NME7: variants seen among roughly 807,000 people sequenced by gnomAD.
The protein encoded by NME7 is nucleoside diphosphate kinase 7.
NME7 carries 41 observed loss-of-function variants against 49.1 expected under a neutral mutation model. The ratio of observed to expected loss-of-function variants is 0.83; its 90% CI spans 0.65 to 1.08. The LOEUF is 1.08. NME7 is among the 50% of genes least tolerant of loss of function. The pLI is 0.00. For missense variants in NME7, 423 were observed against 463.4 expected, an observed-to-expected ratio of 0.91 and a Z score of 0.80; for synonymous variants, 139 against 150.6, an observed-to-expected ratio of 0.92 and a Z score of 0.56.
chr1:169,318,927 G>T (rs1651754519), intron 3 of NME7, among the ~76,000 whole-genome samples: 1 of 152,022 alleles, frequency 6.6e-6, no homozygotes, highest in South Asian at 2.1e-4. Flanking sequence ...ACCAGGGGAA[G>T]ACAGAATAAT....
intron 1 of NME7, among the ~76,000 whole-genome samples, chr1:169,332,839 TGGA>T (rs1264561287): frequency 6.6e-6 from 1 of 152,204 alleles, no homozygotes; most frequent in Non-Finnish European, 1.5e-5. Flanking sequence ...GGTGAGGATG[TGGA>T]GAACAGGGGA....
intron 4 of NME7, among the ~76,000 whole-genome samples, chr1:169,306,678 T>A (rs549509922): frequency 1.3e-5 from 2 of 152,076 alleles, no homozygotes; most frequent in East Asian, 1.9e-4. Context: ...TGGTAGGTGA[T>A]CATATGGACA....
chr1:169,234,984 C>T (rs1412066675), intron 9 of NME7, 147 bp downstream of exon 9: 11 of 404,720 alleles, frequency 2.7e-5, no homozygotes, highest in Non-Finnish European at 4.4e-5. Context: ...CAACCTAGGT[C>T]GTTGACACAG....
chr1:169,238,613 C>T (rs963540512), intron 7 of NME7, among the ~76,000 whole-genome samples: 1 of 151,714 alleles, frequency 6.6e-6, no homozygotes. Context: ...TTACCATAGC[C>T]AAGTAGTGCT....
chr1:169,326,564 CA>C (rs1186668631), intron 1 of NME7, among the ~76,000 whole-genome samples: 3 of 152,130 alleles, frequency 2.0e-5, no homozygotes, highest in African/African-American at 7.2e-5. Context: ...GAAACAGGTA[CA>C]AAAGTGAGCT....
chr1:169,354,396 G>A (rs747004145), intron 1 of NME7, among the ~76,000 whole-genome samples: 1 of 151,896 alleles, frequency 6.6e-6, no homozygotes, highest in South Asian at 2.1e-4. Flanking sequence ...GGGGGTTGTG[G>A]AGTTGAGGAT....
At position 169,235,181 on chromosome 1, in the gene NME7, T is replaced by A. The variant is rs1287934596; in HGVS notation, c.838A>T (p.Asn280Tyr). Residue 280 changes from asparagine to tyrosine, a missense_variant, in exon 9 of 12, where the codon AAT (asparagine) becomes TAT (tyrosine). Physicochemically the swap from Asn to Tyr is moderately radical, Grantham distance 143. Coordinates refer to ENST00000367811, the MANE Select transcript of NME7 (RefSeq NM_013330.5). The stretch of plus-strand genomic sequence containing the variant: ...TAAACTTCATAGAATTCCTCAACAT[T>A]AACCCGATCCATATTGAACTATATT... ...AMQMFNMDRV[N>Y]VEEFYEVYKG... 7.8e-6 allele frequency: 12 copies of A among 1,547,936 alleles called. No homozygotes were observed. The highest frequency in any genetic ancestry group is 5.8e-5 in the South Asian group (5 of 86,464).
intron 10 of NME7, among the ~76,000 whole-genome samples, chr1:169,205,962 T>TC (rs1158381119): frequency 2.0e-5 from 3 of 152,246 alleles, no homozygotes; most frequent in Non-Finnish European, 4.4e-5. Flanking sequence ...CACTTGCTGT[T>TC]CCTCCAGCCT....
intron 3 of NME7, 48 bp from the exon 4 acceptor site, chr1:169,310,128 T>G (rs778074690): frequency 8.8e-7 from 1 of 1,137,504 alleles, no homozygotes; most frequent in Non-Finnish European, 1.3e-6. Context: ...AGTTCAACAG[T>G]TTTTATTTAT....
intron 11 of NME7, among the ~76,000 whole-genome samples, chr1:169,142,745 A>T (rs1557959701): frequency 6.6e-6 from 1 of 152,154 alleles, no homozygotes; most frequent in Non-Finnish European, 1.5e-5. Flanking sequence ...AGAATCATGG[A>T]ATGTTAGTGC....
intron 10 of NME7, among the ~76,000 whole-genome samples, chr1:169,199,775 A>C (rs1363932313): frequency 6.6e-6 from 1 of 152,090 alleles, no homozygotes; most frequent in Non-Finnish European, 1.5e-5. Context: ...ATTCACCAAA[A>C]GTACTAAAAG....
chr1:169,247,434 T>C (rs555074466), intron 7 of NME7, among the ~76,000 whole-genome samples: 200 of 152,352 alleles, frequency 1.3e-3, no homozygotes, highest in Non-Finnish European at 2.3e-3. Context: ...GAGATTTTCA[T>C]GAATGTTATT....
intron 10 of NME7, among the ~76,000 whole-genome samples, chr1:169,171,462 GAA>G (rs2101846641): frequency 6.6e-6 from 1 of 152,242 alleles, no homozygotes; most frequent in South Asian, 2.1e-4. Flanking sequence ...CTTGAAATCT[GAA>G]GAGGTTCATG....
chr1:169,158,217 G>A (rs1402204881), intron 11 of NME7, among the ~76,000 whole-genome samples: 4 of 152,080 alleles, frequency 2.6e-5, no homozygotes, highest in Admixed American at 2.0e-4. Context: ...GGATAGTACC[G>A]AACTCTATCT....
intron 7 of NME7, among the ~76,000 whole-genome samples, chr1:169,258,440 AT>A (rs1231485449): frequency 3.5e-5 from 4 of 115,664 alleles, no homozygotes; most frequent in African/African-American, 1.3e-4. Context: ...ACACACATAT[AT>A]CTTCTCATTC....
Position 169,355,056 on chromosome 1 carries a change from TATAC to T in NME7, c.3+12648_3+12651del, listed in dbSNP as rs1378225950. ...TATATATTATAGATATAATATATAA[TATAC>T]TATATATTATAGATATAATATATAA... On this transcript the variant is annotated intron_variant, in intron 1 of 11. Coordinates refer to ENST00000367811, the MANE Select transcript of NME7 (RefSeq NM_013330.5). 9.1e-4 allele frequency among the ~76,000 whole-genome samples: 68 copies of T among 74,552 alleles called. 3 individuals carry two copies. Among genetic ancestry groups the T allele is most frequent in the East Asian group, 6.8e-3 (18 of 2,640 alleles). 48.9% of individuals were successfully genotyped at this position (74,552 alleles called of 152,430 possible).
chr1:169,189,050 T>C (rs867198286), intron 10 of NME7, among the ~76,000 whole-genome samples: 6 of 152,232 alleles, frequency 3.9e-5, no homozygotes, highest in African/African-American at 1.4e-4. Flanking sequence ...CAGGATTTCA[T>C]GGCATGCATT....
In NME7 at chr1:169,262,312, C is replaced by A. The variant is rs138003187; in HGVS notation, c.755-24625G>T. 2.7e-3 allele frequency among the ~76,000 whole-genome samples: 360 copies of A among 134,536 alleles called. 45 individuals carry two copies. The highest frequency in any genetic ancestry group is 8.3e-3 in the African/African-American group (331 of 39,870). 88.3% of individuals were successfully genotyped at this position (134,536 alleles called of 152,430 possible). ...AATGAAGCCACATGAATAACTCAAG[C>A]AAGGCATAGCACAGAAGAATCATCA... On this transcript the variant is annotated intron_variant, in intron 7 of 11. Coordinates refer to ENST00000367811, the MANE Select transcript of NME7 (RefSeq NM_013330.5).
intron 7 of NME7, among the ~76,000 whole-genome samples, chr1:169,272,162 C>T (rs1649513464): frequency 7.6e-6 from 1 of 131,624 alleles, no homozygotes; most frequent in Non-Finnish European, 1.8e-5. Flanking sequence ...CTATAAATAG[C>T]TCTAAAAACC....
Sources: allele counts gnomAD v4.1 joint callset (sites outside exome capture counted in the v4.1 genomes callset), GRCh38; gene constraint gnomAD v4.1.1; transcripts MANE v1.5; gene names NCBI Gene and HGNC (gene_info 2026-07-23, HGNC 2026-07-21).